The following XPC variants were observed in gnomAD, a reference collection of about 807,000 sequenced individuals.
XPC encodes XPC complex subunit, DNA damage recognition and repair factor, also known as DNA repair protein complementing XP-C cells.
A neutral mutation model predicts 95.8 loss-of-function variants in XPC; 76 were observed. The observed-to-expected ratio is 0.79, with a 90% CI of 0.66 to 0.96. The LOEUF (loss-of-function observed/expected upper bound fraction) is 0.96. Ranked by LOEUF, XPC falls within the 40% of genes least tolerant of loss-of-function variation. The probability of loss-of-function intolerance (pLI) is 0.00; values close to 1 mark genes in which losing one functional copy is unlikely to be tolerated. For synonymous variants in XPC, 442 were observed against 442.1 expected (o/e 1.00, Z 0.00); for missense variants, 1,146 against 1,179.8 (o/e 0.97, Z 0.42).
At chr3:14,157,428 C>G (rs1256658882) in intron 9 of XPC, among the ~76,000 whole-genome samples, 1 of 152,164 alleles carries the variant, frequency 6.6e-6, no homozygotes, top group African/African-American at 2.4e-5. Context: ...ACAGGCGGCT[C>G]GGGCACTATT....
chr3:14,148,777 G>A lies in XPC; in HGVS notation c.2250+37C>T, dbSNP rs762304016. On this transcript the variant is annotated intron_variant, in intron 12 of 15. Transcript: ENST00000285021. ...AGCATTTGGCCAGCAGGGGAACAAG[G>A]CGGCCTGGTCCTGAGCCCTTCTGAT... 6.2e-6 allele frequency: 10 copies of A among 1,613,594 alleles called. No homozygotes were observed. The South Asian group carries it at 8.8e-5, about 14-fold the overall frequency.
intron 14 of XPC, chr3:14,147,598 G>T: frequency 1.6e-6 from 1 of 612,284 alleles, no homozygotes; most frequent in Non-Finnish European, 2.8e-6. Context: ...AATCGTTACT[G>T]ACTCCAAAAT....
chr3:14,151,345 T>G (rs1326353391), intron 11 of XPC: 5 of 152,232 alleles, frequency 3.3e-5, no homozygotes, highest in African/African-American at 9.6e-5. Context: ...ATTCCACCTG[T>G]TTTTGGTTTT....
rs772981828 is a variant in XPC, at chr3:14,172,883, C to G, written c.283G>C (p.Asp95His). ...LKVIKDEALS[D>H]GDDLRDFPSD... ...ACATCTCACCTGAGGTCATCCCCAT[C>G]GCTGAGGGCTTCATCCTTTATAACC... is the stretch of plus-strand genomic sequence containing the variant. Residue 95 changes from aspartate to histidine, a missense_variant, in exon 2 of 16, where the codon GAT (aspartate) becomes CAT (histidine). Transcript: ENST00000285021. 1.2e-6 allele frequency: 2 copies of G among 1,613,830 alleles called. No homozygotes were observed. Among genetic ancestry groups the G allele is most frequent in the Non-Finnish European group, 1.7e-6 (2 of 1,179,778 alleles).
Position 14,147,282 on chromosome 3 carries a change from G to T in XPC, c.2604+8C>A. On this transcript the variant is annotated splice_region_variant and intron_variant, in intron 15 of 15. Coordinates refer to ENST00000285021, the MANE Select transcript of XPC (RefSeq NM_004628.5). ...AGCTTGTCTTCTCTGCAAAGAACCT[G>T]CACTGACCTTGGGCCCGTAGCGACG... The T allele has an allele frequency of 6.2e-7, 1 of 1,605,410 alleles. No homozygotes were observed.
chr3:14,158,354 CCT>C lies in XPC; in HGVS notation c.1527_1528del (p.Gly510GlnfsTer8). 1 of 1,613,932 alleles carries C rather than the reference CCT, an allele frequency of 6.2e-7. No homozygotes were observed. ...CTCACCATCGCTGCACATTTTCTTG[CCT>C]CTTTTACTGCTTGAAGAGCTTGAGG... is the stretch of plus-strand genomic sequence containing the variant. On this transcript the variant is annotated frameshift_variant, in exon 9 of 16. Coordinates refer to ENST00000285021, the MANE Select transcript of XPC (RefSeq NM_004628.5). LOFTEE classifies it high-confidence loss of function. The surrounding 1 kb of genome is among the most constrained non-coding windows in gnomAD (Gnocchi z 5.2).
At chr3:14,177,679 G>C (rs1237256821) in intron 1 of XPC, among the ~76,000 whole-genome samples, 3 of 146,178 alleles carry the variant, frequency 2.1e-5, no homozygotes, top group East Asian at 2.0e-4. Flanking sequence ...AAAACCAAGG[G>C]GAGTTTAAAG....
chr3:14,149,816 GTCT>G (rs1487255121), intron 11 of XPC: 1 of 152,188 alleles, frequency 6.6e-6, no homozygotes, highest in Non-Finnish European at 1.5e-5. Flanking sequence ...CACAAGGTAG[GTCT>G]TATTATTGTT....
intron 14 of XPC, chr3:14,147,644 G>A: frequency 8.3e-6 from 5 of 601,394 alleles, no homozygotes; most frequent in Non-Finnish European, 1.2e-5. Context: ...CCTGGACACA[G>A]GCAATTCAAG....
chr3:14,153,756 G>A (rs1208442219), intron 10 of XPC, among the ~76,000 whole-genome samples: 1 of 152,178 alleles, frequency 6.6e-6, no homozygotes, highest in African/African-American at 2.4e-5. Flanking sequence ...CTAAGTCAAG[G>A]AGCATCTGTG....
At chr3:14,168,217 T>C (rs1313389210) in intron 4 of XPC, 40 bp downstream of exon 4, 7 of 1,575,550 alleles carry the variant, frequency 4.4e-6, no homozygotes, top group Non-Finnish European at 6.0e-6. Flanking sequence ...TGTTGCCTAC[T>C]GCATGTGACA....
chr3:14,162,871 G>C (rs1696216669), intron 7 of XPC, among the ~76,000 whole-genome samples: 1 of 152,180 alleles, frequency 6.6e-6, no homozygotes, highest in South Asian at 2.1e-4. Flanking sequence ...GCATGTATCT[G>C]ATAGGTAACT....
At chr3:14,154,161 G>A (rs948290341) in intron 10 of XPC, among the ~76,000 whole-genome samples, 1 of 152,218 alleles carries the variant, frequency 6.6e-6, no homozygotes, top group African/African-American at 2.4e-5. Context: ...AGGATGTGGA[G>A]AAAGTGGAGA....
intron 1 of XPC, among the ~76,000 whole-genome samples, chr3:14,176,921 C>T (rs1392063836): frequency 2.0e-5 from 3 of 152,072 alleles, no homozygotes; most frequent in South Asian, 2.1e-4. Context: ...GCCAACATGG[C>T]GAAACCCCAT....
intron 10 of XPC, among the ~76,000 whole-genome samples, chr3:14,156,057 G>A (rs967152041): frequency 3.9e-5 from 6 of 152,032 alleles, no homozygotes; most frequent in African/African-American, 1.4e-4. Context: ...TATTTGTGGG[G>A]TGTGTTTTAT....
chr3:14,147,248 C>G lies in XPC; in HGVS notation c.2604+42G>C, dbSNP rs897713568. 5.1e-6 allele frequency: 8 copies of G among 1,571,592 alleles called. No individual in the cohort carries two copies. The Admixed American group carries it at 5.6e-5, about 11-fold the overall frequency. On this transcript the variant is annotated intron_variant, in intron 15 of 15. Transcript: ENST00000285021. ...CTTTCTGAGCTGCATCTCCAAGAAACTGACCCTGAGCTTGTCTTCTCTGCA... is the reference window on the plus strand; with the variant it reads ...CTTTCTGAGCTGCATCTCCAAGAAAGTGACCCTGAGCTTGTCTTCTCTGCA...
At chr3:14,166,290 C>T (rs1326383746) in intron 5 of XPC, among the ~76,000 whole-genome samples, 1 of 152,158 alleles carries the variant, frequency 6.6e-6, no homozygotes, top group East Asian at 1.9e-4. Flanking sequence ...GTCATCTTCC[C>T]TTTCTTTCAC....
chr3:14,165,861 G>T, intron 5 of XPC: 1 of 375,470 alleles, frequency 2.7e-6, no homozygotes, highest in Non-Finnish European at 5.0e-6. Flanking sequence ...TTTTTGTTTT[G>T]GTCTTGTCTT....
At chr3:14,177,260 T>C (rs191400406) in intron 1 of XPC, among the ~76,000 whole-genome samples, 31 of 152,322 alleles carry the variant, frequency 2.0e-4, no homozygotes, top group African/African-American at 6.7e-4. Context: ...TTAGGTATTA[T>C]TAGTGATCTA....
Sources: allele counts gnomAD v4.1 joint callset (sites outside exome capture counted in the v4.1 genomes callset), GRCh38; gene constraint gnomAD v4.1.1; non-coding constraint Gnocchi (gnomAD v3.1); transcripts MANE v1.5; gene names NCBI Gene and HGNC (gene_info 2026-07-23, HGNC 2026-07-21).